The following DKC1 variants were observed in gnomAD, a reference collection of about 807,000 sequenced individuals.
DKC1 encodes the protein H/ACA ribonucleoprotein complex subunit DKC1.
DKC1 carries 4 observed loss-of-function variants against 46.7 expected under a neutral mutation model. The observed-to-expected ratio is 0.09, with a 90% CI of 0.04 to 0.20. The LOEUF (loss-of-function observed/expected upper bound fraction) is 0.20. Among genes scored for constraint, DKC1 ranks in the 10% least tolerant of loss-of-function variants. DKC1 has a pLI of 1.00. For missense variants in DKC1, 171 were observed against 404.2 expected, an observed-to-expected ratio of 0.42 and a Z score of 4.95; for synonymous variants, 141 against 142.4, an observed-to-expected ratio of 0.99 and a Z score of 0.07.
At chrX:154,775,397 C>T (rs1261015580) in intron 13 of DKC1, 124 bp downstream of exon 13, 4 of 686,092 alleles carry the variant, frequency 5.8e-6, no homozygotes, top group South Asian at 2.3e-5. Flanking sequence ...AGAGGTGCAG[C>T]GCATACACAG....
chrX:154,773,104 A>G, intron 10 of DKC1, 27 bp from the exon 11 acceptor site: 2 of 1,024,750 alleles, frequency 2.0e-6, no homozygotes, highest in Non-Finnish European at 2.7e-6. Context: ...CCTTCAAATA[A>G]TTCTTTTCTT....
chrX:154,773,087 C>A (rs2071843937), intron 10 of DKC1, 44 bp from the exon 11 acceptor site: 6 of 931,627 alleles, frequency 6.4e-6, no homozygotes, highest in Non-Finnish European at 7.8e-6. Context: ...ATTATCAATT[C>A]TTTCACCCTT....
intron 5 of DKC1, chrX:154,766,704 C>T (rs1240403894): frequency 9.3e-6 from 4 of 431,547 alleles, no homozygotes; most frequent in Non-Finnish European, 1.6e-5. Flanking sequence ...AAGTATCCTT[C>T]GTTCATTTTT....
intron 10 of DKC1, among the ~76,000 whole-genome samples, chrX:154,771,154 T>C (rs2071819215): frequency 9.2e-6 from 1 of 108,881 alleles, no homozygotes; most frequent in Non-Finnish European, 1.9e-5. Flanking sequence ...GTCTCACTCT[T>C]CTTGTTCATT....
intron 4 of DKC1, 51 bp downstream of exon 4, chrX:154,766,049 T>G: frequency 9.3e-7 from 1 of 1,070,285 alleles, no homozygotes; most frequent in Non-Finnish European, 1.3e-6. Flanking sequence ...TTGAAAATGC[T>G]TTCACATCAG....
At chrX:154,763,451 G>C (rs1557263816) in intron 1 of DKC1, among the ~76,000 whole-genome samples, 1 of 112,323 alleles carries the variant, frequency 8.9e-6, no homozygotes, top group Non-Finnish European at 1.9e-5. Context: ...CGCGGGGACA[G>C]TCGAGTGGTC....
In DKC1 at chrX:154,767,248, G is replaced by T. The variant is rs2148510635; in HGVS notation, c.514-8G>T. 1 of 1,211,682 alleles carries T rather than the reference G, an allele frequency of 8.3e-7. No homozygotes were observed. Among genetic ancestry groups the T allele is most frequent in the South Asian group, 1.8e-5 (1 of 57,004 alleles). ...GAGGTGTTTGTTTTCATTTGTGTTT[G>T]TTCTTAGGCCCTAGAAACTCTGACA... On this transcript the variant is annotated splice_region_variant and splice_polypyrimidine_tract_variant and intron_variant, in intron 6 of 14. Coordinates refer to ENST00000369550, the MANE Select transcript of DKC1 (RefSeq NM_001363.5).
At position 154,764,937 on chromosome X, in the gene DKC1, C is replaced by T. The variant is rs782010351; in HGVS notation, c.55C>T (p.Arg19Trp). 1.4e-5 allele frequency: 17 copies of T among 1,206,557 alleles called. No homozygotes were observed. Among genetic ancestry groups the T allele is most frequent in the African/African-American group, 8.7e-5 (5 of 57,182 alleles). ...LPKKHKKKKERKSLPEEDVAE... is the reference protein window; with the variant it reads ...LPKKHKKKKEWKSLPEEDVAE... ...AAAGAAACATAAGAAGAAAAAGGAGCGGAAGTCATTGCCAGAAGAAGATGT... is the reference window on the plus strand; with the variant it reads ...AAAGAAACATAAGAAGAAAAAGGAGTGGAAGTCATTGCCAGAAGAAGATGT... The change falls in exon 2 of 15, where the codon CGG (arginine) becomes TGG (tryptophan). Residue 19 changes from arginine (R) to tryptophan (W), a missense_variant. By Grantham distance (101) the Arg-to-Trp change is moderately radical. Transcript: ENST00000369550.
intron 5 of DKC1, 100 bp from the exon 6 acceptor site, chrX:154,766,897 C>T (rs992810983): frequency 1.3e-6 from 1 of 796,260 alleles, no homozygotes; most frequent in Middle Eastern, 3.0e-4. Context: ...CAAACTGCCG[C>T]TTTTCCTGCT....
At chrX:154,771,164 T>C (rs1449780492) in intron 10 of DKC1, among the ~76,000 whole-genome samples, 5 of 108,300 alleles carry the variant, frequency 4.6e-5, no homozygotes, top group Non-Finnish European at 9.5e-5. Context: ...TCTTGTTCAT[T>C]CTTTTGGTTT....
At chrX:154,764,566 T>C (rs2071722777) in intron 1 of DKC1, among the ~76,000 whole-genome samples, 1 of 111,967 alleles carries the variant, frequency 8.9e-6, no homozygotes, top group African/African-American at 3.2e-5. Flanking sequence ...TCCTTATTTA[T>C]AAGTTTTCTA....
intron 9 of DKC1, 144 bp from the exon 10 acceptor site, chrX:154,770,615 T>C: frequency 1.3e-6 from 1 of 754,808 alleles, no homozygotes; most frequent in Non-Finnish European, 2.0e-6. Flanking sequence ...GTACCACTCA[T>C]GCCCCTTGCA....
chrX:154,774,251 G>C (rs1557265367), intron 11 of DKC1, among the ~76,000 whole-genome samples: 1 of 111,894 alleles, frequency 8.9e-6, no homozygotes, highest in African/African-American at 3.3e-5. Flanking sequence ...TCTGGTCAAG[G>C]GATTGTCTGT....
Position 154,776,832 on chromosome X carries a change from AAG to A in DKC1, c.1512_1513del (p.Lys505SerfsTer9). ...SDTTKKKKKKKKAKEVELVSE is the reference protein window; with the variant it reads ...SDTTKKKKKKXKAKEVELVSE ...TACCACCAAGAAGAAGAAGAAGAAG[AAG>A]AAAGCAAAAGAGGTAGAATTGGTTT... On this transcript the variant is annotated frameshift_variant, in exon 15 of 15. Transcript: ENST00000369550. LOFTEE classifies it high-confidence loss of function. 1.7e-6 allele frequency: 2 copies of A among 1,207,967 alleles called. No individual in the cohort carries two copies. Among genetic ancestry groups the A allele is most frequent in the Non-Finnish European group, 2.2e-6 (2 of 893,138 alleles).
In DKC1 at chrX:154,769,292, G is replaced by A. The variant is rs2071791937; in HGVS notation, c.897G>A (p.Leu299=). ...AGCTGTTGACATCTCATAAACGGCT[G>A]GTTATGAAAGACAGTGCAGTAAGTT... The part of the protein sequence containing the change: ...LEKLLTSHKR[L]VMKDSAVNAI... Residue 299 remains leucine (L), a synonymous_variant, in exon 9 of 15, where the codon CTG becomes CTA. Transcript: ENST00000369550. 2 of 1,211,608 alleles carry A rather than the reference G, an allele frequency of 1.7e-6. No individual in the cohort carries two copies. Among genetic ancestry groups the A allele is most frequent in the Non-Finnish European group, 2.2e-6 (2 of 895,371 alleles).
intron 10 of DKC1, among the ~76,000 whole-genome samples, chrX:154,772,208 T>A (rs911552069): frequency 2.7e-5 from 3 of 112,424 alleles, no homozygotes; most frequent in Non-Finnish European, 5.6e-5. Flanking sequence ...ATTATTAGAT[T>A]TTTTTTCCTA....
chrX:154,771,389 G>A (rs2071824638), intron 10 of DKC1, among the ~76,000 whole-genome samples: 2 of 107,941 alleles, frequency 1.9e-5, no homozygotes, highest in South Asian at 4.1e-4. Context: ...ACAGGGTTTT[G>A]TCATGTTGGT....
chrX:154,766,535 C>T, intron 5 of DKC1, 135 bp downstream of exon 5: 3 of 653,039 alleles, frequency 4.6e-6, no homozygotes, highest in Non-Finnish European at 7.0e-6. Flanking sequence ...GTTTTGGTTT[C>T]TGTGTACGTT....
chrX:154,775,426 CTGGGG>C, intron 13 of DKC1, 153 bp downstream of exon 13: 1 of 571,251 alleles, frequency 1.8e-6, no homozygotes. Context: ...GCCTCATACC[CTGGGG>C]TGCTTGTTTG....
Sources: allele counts gnomAD v4.1 joint callset (sites outside exome capture counted in the v4.1 genomes callset), GRCh38; gene constraint gnomAD v4.1.1; transcripts MANE v1.5; gene names NCBI Gene and HGNC (gene_info 2026-07-23, HGNC 2026-07-21).